The following NEO1 variants were observed in gnomAD, a reference collection of about 807,000 sequenced individuals.
NEO1 encodes the protein neogenin 1.
A neutral mutation model predicts 159.7 loss-of-function variants in NEO1; 63 were observed. That is an observed-to-expected ratio of 0.39 (90% CI 0.32 to 0.49). NEO1 has a LOEUF of 0.49. Ranked by LOEUF, NEO1 falls within the 20% of genes least tolerant of loss-of-function variation. The pLI, the probability that NEO1 is intolerant of heterozygous loss-of-function variation, is 0.85. For missense variants in NEO1, 1,615 were observed against 1,831.0 expected (o/e 0.88, Z 2.15); for synonymous variants, 633 against 662.0 (o/e 0.96, Z 0.67).
chr15:73,110,677 G>C (rs911718013), intron 1 of NEO1, among the ~76,000 whole-genome samples: 1 of 152,146 alleles, frequency 6.6e-6, no homozygotes, highest in Non-Finnish European at 1.5e-5. Flanking sequence ...CCATTAAGAC[G>C]TGAGAAATTT....
At position 73,052,798 on chromosome 15, in the gene NEO1, G is replaced by T; in HGVS notation, c.123G>T (p.Gln41His). The T allele has an allele frequency of 9.6e-7, 1 of 1,045,984 alleles. No homozygotes were observed. 64.8% of individuals were successfully genotyped at this position (1,045,984 alleles called of 1,614,324 possible). A position where few individuals can be genotyped will look rare whatever the true frequency, so the allele number is the denominator to read the frequency against. The change falls in exon 1 of 29, where the codon CAG becomes CAT. Residue 41 changes from glutamine (Q) to histidine (H), a missense_variant. By Grantham distance (24) the Gln-to-His change is conservative. This residue lies in a region of NEO1 where 1,018 missense variants were observed against 1,115.4 expected (regional missense o/e 0.91). Transcript: ENST00000261908. ...AAAARSGSAPQSPGASIRTFT... is the reference protein window; with the variant it reads ...AAAARSGSAPHSPGASIRTFT... ...CCGCCAGGAGCGGCTCCGCGCCGCA[G>T]TCCCCAGGTAAGCGGCGGGCGCGGG...
chr15:73,052,409 A>ACCCCC (rs1567080765), upstream of NEO1: 1 of 8,682 alleles, frequency 1.2e-4, no homozygotes, highest in African/African-American at 4.4e-4. Context: ...AGACCGACCC[A>ACCCCC]CCGCCCCCCC....
intron 7 of NEO1, among the ~76,000 whole-genome samples, chr15:73,225,952 C>T (rs2038560765): frequency 6.6e-6 from 1 of 152,160 alleles, no homozygotes; most frequent in African/African-American, 2.4e-5. Flanking sequence ...ACCTAGTGAG[C>T]TCCCGGGGCC....
At chr15:73,273,236 A>C (rs956545985) in intron 19 of NEO1, among the ~76,000 whole-genome samples, 115 of 152,140 alleles carry the variant, frequency 7.6e-4, no homozygotes, top group African/African-American at 2.6e-3. Context: ...TGGCCCATGT[A>C]GGTGTGTGCT....
At chr15:73,090,749 T>C (rs1367144227) in intron 1 of NEO1, among the ~76,000 whole-genome samples, 2 of 152,238 alleles carry the variant, frequency 1.3e-5, no homozygotes, top group Admixed American at 6.5e-5. Flanking sequence ...TTTTACATGT[T>C]ACCTCCTGTT....
chr15:73,177,131 G>A (rs1303839818), intron 6 of NEO1, among the ~76,000 whole-genome samples: 1 of 152,062 alleles, frequency 6.6e-6, no homozygotes, highest in Non-Finnish European at 1.5e-5. Flanking sequence ...AAAGTGTCAA[G>A]TGTATTTAAG....
intron 7 of NEO1, among the ~76,000 whole-genome samples, chr15:73,207,071 G>A (rs938483743): frequency 3.3e-5 from 5 of 152,100 alleles, no homozygotes; most frequent in African/African-American, 1.2e-4. Flanking sequence ...AGAGATTTTG[G>A]TTGGAAAGGA....
chr15:73,244,973 A>AAAAC (rs1555458851), intron 9 of NEO1, among the ~76,000 whole-genome samples: 1 of 147,582 alleles, frequency 6.8e-6, no homozygotes, highest in African/African-American at 2.5e-5. Flanking sequence ...AAAAAAAAAA[A>AAAAC]AAAAAAAAAA....
intron 1 of NEO1, among the ~76,000 whole-genome samples, chr15:73,071,725 A>C (rs1425483090): frequency 6.6e-6 from 1 of 152,150 alleles, no homozygotes; most frequent in African/African-American, 2.4e-5. Flanking sequence ...CATGTTGCCC[A>C]GGCTGGGCTC....
intron 3 of NEO1, among the ~76,000 whole-genome samples, chr15:73,123,355 G>A (rs767020781): frequency 5.3e-5 from 8 of 152,210 alleles, no homozygotes; most frequent in Middle Eastern, 6.8e-3. Flanking sequence ...AAAAATATTA[G>A]TGCTGTGTCT....
At chr15:73,129,425 A>G (rs1022942872) in intron 4 of NEO1, among the ~76,000 whole-genome samples, 16 of 152,068 alleles carry the variant, frequency 1.1e-4, no homozygotes, top group African/African-American at 3.6e-4. Context: ...TTAAATAACT[A>G]AACATCCTTC....
intron 1 of NEO1, among the ~76,000 whole-genome samples, chr15:73,088,170 A>AT (rs968950517): frequency 1.5e-4 from 23 of 150,872 alleles, no homozygotes; most frequent in Admixed American, 2.0e-4. Flanking sequence ...GCATATTCAT[A>AT]TTTTTTTTTA....
Position 73,291,218 on chromosome 15 carries a change from C to G in NEO1, c.3742+1980C>G, listed in dbSNP as rs2042152823. Among the ~76,000 whole-genome samples the G allele has an allele frequency of 2.6e-5, 4 of 152,104 alleles. No individual in the cohort carries two copies. In the South Asian group the frequency reaches 8.3e-4, roughly 32 times the overall value. ...TGATCAAGAAGATGCTAGCACTATA[C>G]TCTTATTTGTTTGTTTTGTATAAGA... is the stretch of plus-strand genomic sequence containing the variant. On this transcript the variant is annotated intron_variant, in intron 25 of 28. Coordinates refer to ENST00000261908, the MANE Select transcript of NEO1 (RefSeq NM_002499.4).
In NEO1 at chr15:73,277,345, A is replaced by G. The variant is rs550307597; in HGVS notation, c.3194-786A>G. Among the ~76,000 whole-genome samples, 6 of 152,328 alleles carry G rather than the reference A, an allele frequency of 3.9e-5. No individual in the cohort carries two copies. In the South Asian group the frequency reaches 8.3e-4, roughly 21 times the overall value. ...TTGCTTTTCCCAAGCAGCTTTTCCT[A>G]TAAATGTGAAGAGCAAAATTCAAGG... On this transcript the variant is annotated intron_variant, in intron 21 of 28. Coordinates refer to ENST00000261908, the MANE Select transcript of NEO1 (RefSeq NM_002499.4).
At position 73,298,621 on chromosome 15, in the gene NEO1, G is replaced by T; in HGVS notation, c.4165+10G>T. On this transcript the variant is annotated intron_variant, in intron 27 of 28. Coordinates refer to ENST00000261908, the MANE Select transcript of NEO1 (RefSeq NM_002499.4). ...TTACTGTCCCAGCAAGGTGAGTGAG[G>T]ATGGCAGCACACCTGGAGGGAGCAC... 1 of 1,614,026 alleles carries T rather than the reference G, an allele frequency of 6.2e-7. No individual in the cohort carries two copies. The highest frequency in any genetic ancestry group is 8.5e-7 in the Non-Finnish European group (1 of 1,179,920).
chr15:73,183,073 A>G (rs2035706966), intron 7 of NEO1, among the ~76,000 whole-genome samples: 1 of 152,178 alleles, frequency 6.6e-6, no homozygotes, highest in South Asian at 2.1e-4. Flanking sequence ...ATGGGAGTTT[A>G]CACTTTCTTG....
intron 14 of NEO1, 26 bp from the exon 15 acceptor site, chr15:73,260,245 C>T (rs1372534484): frequency 1.3e-6 from 2 of 1,595,902 alleles, no homozygotes; most frequent in Non-Finnish European, 1.7e-6. Flanking sequence ...TATATCTCAT[C>T]TTGCTTTTCC....
At chr15:73,301,182 A>G in intron 27 of NEO1, 139 bp from the exon 28 acceptor site, 1 of 1,074,042 alleles carries the variant, frequency 9.3e-7, no homozygotes, top group African/African-American at 1.6e-5. Flanking sequence ...CTCTTATTCC[A>G]GTAACTTTTC....
At chr15:73,192,178 G>A (rs781274634) in intron 7 of NEO1, among the ~76,000 whole-genome samples, 1 of 152,012 alleles carries the variant, frequency 6.6e-6, no homozygotes, top group Non-Finnish European at 1.5e-5. Flanking sequence ...GACACAGAGG[G>A]CCTTTCTGAA....
Sources: allele counts gnomAD v4.1 joint callset (sites outside exome capture counted in the v4.1 genomes callset), GRCh38; gene constraint gnomAD v4.1.1; regional missense constraint gnomAD v4.1.1; transcripts MANE v1.5; gene names NCBI Gene and HGNC (gene_info 2026-07-23, HGNC 2026-07-21).